The following MAGI2 variants were observed in gnomAD, a reference collection of about 807,000 sequenced individuals.
The protein encoded by MAGI2 is membrane-associated guanylate kinase, WW and PDZ domain-containing protein 2.
Under a neutral mutation model 133.3 loss-of-function variants are expected in MAGI2, and 35 were observed. The observed-to-expected ratio is 0.26, with a 90% CI of 0.20 to 0.35. The LOEUF (loss-of-function observed/expected upper bound fraction) is 0.35. Among genes scored for constraint, MAGI2 ranks in the 10% least tolerant of loss-of-function variants. The pLI is 1.00. For synonymous variants in MAGI2, 729 were observed against 710.6 expected, an observed-to-expected ratio of 1.03 and a Z score of -0.41; for missense variants, 1,636 against 1,863.4, an observed-to-expected ratio of 0.88 and a Z score of 2.25.
intron 1 of MAGI2, among the ~76,000 whole-genome samples, chr7:79,224,190 C>T (rs1376525169): frequency 6.6e-6 from 1 of 151,996 alleles, no homozygotes; most frequent in Non-Finnish European, 1.5e-5. Context: ...CATATCTACC[C>T]CAAGGTCTCC....
chr7:78,999,411 C>T (rs983732059), intron 2 of MAGI2, among the ~76,000 whole-genome samples: 1 of 151,580 alleles, frequency 6.6e-6, no homozygotes, highest in Non-Finnish European at 1.5e-5. Context: ...GATTTTCCAT[C>T]TTAAGCAACA....
chr7:78,562,227 A>C (rs1052523203), intron 3 of MAGI2, among the ~76,000 whole-genome samples: 2 of 146,350 alleles, frequency 1.4e-5, no homozygotes, highest in Non-Finnish European at 3.1e-5. Context: ...GTTTAAAGTG[A>C]GTGTTATTTG....
chr7:79,406,693 T>C lies in MAGI2; in HGVS notation c.301+46327A>G, dbSNP rs549488892. On this transcript the variant is annotated intron_variant, in intron 1 of 21. Coordinates refer to ENST00000354212, the MANE Select transcript of MAGI2 (RefSeq NM_012301.4). ...ACTTTTGAGTTACATAAGGATCTCC[T>C]ATATTCGTCTTTATCTTCCCTTGTT... 2.0e-3 allele frequency among the ~76,000 whole-genome samples: 300 copies of C among 152,258 alleles called. 1 individual carries two copies. Among genetic ancestry groups the C allele is most frequent in the Non-Finnish European group, 3.1e-3 (212 of 68,000 alleles).
At chr7:78,139,399 T>A (rs998920447) in intron 16 of MAGI2, among the ~76,000 whole-genome samples, 4 of 152,328 alleles carry the variant, frequency 2.6e-5, no homozygotes, top group African/African-American at 9.6e-5. Flanking sequence ...CAGAGAGGAT[T>A]CTCTCTGAAA....
chr7:79,060,623 T>C (rs995925449), intron 1 of MAGI2, among the ~76,000 whole-genome samples: 1 of 152,018 alleles, frequency 6.6e-6, no homozygotes, highest in Non-Finnish European at 1.5e-5. Flanking sequence ...AAACAATATG[T>C]GTTGGAGAGT....
At chr7:78,627,861 TATCTA>T (rs1408361947) in intron 2 of MAGI2, among the ~76,000 whole-genome samples, 1 of 152,188 alleles carries the variant, frequency 6.6e-6, no homozygotes, top group Non-Finnish European at 1.5e-5. Context: ...GGGAATATAG[TATCTA>T]ATCTGACAGG....
intron 1 of MAGI2, among the ~76,000 whole-genome samples, chr7:79,198,962 C>G (rs1487918722): frequency 6.6e-6 from 1 of 151,772 alleles, no homozygotes; most frequent in East Asian, 1.9e-4. Context: ...CAGAGCCTAC[C>G]AGCTTTCCAA....
At chr7:78,037,010 G>A (rs1398701045) in intron 21 of MAGI2, among the ~76,000 whole-genome samples, 42 of 151,738 alleles carry the variant, frequency 2.8e-4, no homozygotes, top group Non-Finnish European at 5.9e-5. Flanking sequence ...AAGATGCTAT[G>A]AGTAGAGCAA....
intron 2 of MAGI2, among the ~76,000 whole-genome samples, chr7:78,801,094 C>A (rs1463560146): frequency 6.6e-6 from 1 of 152,074 alleles, no homozygotes; most frequent in Non-Finnish European, 1.5e-5. Context: ...TTGGGCAATG[C>A]ATTGTATTGC....
intron 1 of MAGI2, among the ~76,000 whole-genome samples, chr7:79,061,039 C>T (rs1273918914): frequency 6.6e-6 from 1 of 152,058 alleles, no homozygotes; most frequent in East Asian, 1.9e-4. Context: ...ATACTGTTGA[C>T]TAATCAGGAG....
intron 2 of MAGI2, among the ~76,000 whole-genome samples, chr7:78,811,159 C>G (rs1212544937): frequency 2.6e-5 from 4 of 151,690 alleles, no homozygotes; most frequent in African/African-American, 9.7e-5. Context: ...GAAAAGCAAA[C>G]TGATTATGTC....
chr7:78,429,909 T>G (rs62468802), intron 6 of MAGI2, among the ~76,000 whole-genome samples: 20,129 of 152,108 alleles, frequency 0.13, 1,392 homozygotes, highest in East Asian at 0.22. Flanking sequence ...GGTTAAGTAA[T>G]TTGCCCAAGG....
intron 3 of MAGI2, among the ~76,000 whole-genome samples, chr7:78,556,879 G>C (rs1285610385): frequency 6.6e-6 from 1 of 151,818 alleles, no homozygotes; most frequent in Non-Finnish European, 1.5e-5. Flanking sequence ...ATGAGGTCAG[G>C]AGATCAAGAC....
At position 79,417,804 on chromosome 7, in the gene MAGI2, A is replaced by G. The variant is rs561904304; in HGVS notation, c.301+35216T>C. 2.2e-4 allele frequency among the ~76,000 whole-genome samples: 34 copies of G among 152,176 alleles called. No individual in the cohort carries two copies. The South Asian group carries it at 7.0e-3, about 32-fold the overall frequency. On this transcript the variant is annotated intron_variant, in intron 1 of 21. Transcript: ENST00000354212. ...GGTTAGTAATTTGGAAGAAAGTTCT[A>G]AAAACAATGAAGTTCTTTTTTTAAT...
intron 1 of MAGI2, among the ~76,000 whole-genome samples, chr7:79,355,138 C>CGTGG (rs1841937485): frequency 6.6e-6 from 1 of 152,178 alleles, no homozygotes; most frequent in Non-Finnish European, 1.5e-5. Flanking sequence ...TCCTCTTTAA[C>CGTGG]CAGGACTTCG....
intron 2 of MAGI2, among the ~76,000 whole-genome samples, chr7:78,776,177 A>G (rs1563491702): frequency 6.6e-6 from 1 of 152,186 alleles, no homozygotes; most frequent in Non-Finnish European, 1.5e-5. Flanking sequence ...TTATTATTTT[A>G]TTACCACTAT....
intron 1 of MAGI2, among the ~76,000 whole-genome samples, chr7:79,235,237 C>A (rs1232623932): frequency 6.6e-6 from 1 of 152,194 alleles, no homozygotes; most frequent in Non-Finnish European, 1.5e-5. Flanking sequence ...GAGGTTACTG[C>A]TGTTTTTTTG....
At chr7:79,278,925 CA>C (rs1835430438) in intron 1 of MAGI2, among the ~76,000 whole-genome samples, 1 of 152,038 alleles carries the variant, frequency 6.6e-6, no homozygotes, top group East Asian at 1.9e-4. Flanking sequence ...AAAAGATAAA[CA>C]GAGTAGGAAG....
intron 2 of MAGI2, among the ~76,000 whole-genome samples, chr7:78,669,097 A>G (rs1029938635): frequency 5.3e-5 from 8 of 152,136 alleles, no homozygotes; most frequent in African/African-American, 1.4e-4. Flanking sequence ...AAATAGAGAC[A>G]CAAAAAACCT....
Sources: gnomAD v4.1 joint callset for allele counts (sites outside exome capture counted in the v4.1 genomes callset) on GRCh38, gnomAD v4.1.1 for gene constraint, MANE v1.5 for transcripts, NCBI Gene and HGNC (gene_info 2026-07-23, HGNC 2026-07-21) for gene names.